The following SEMA3D variants were observed in gnomAD, a reference collection of about 807,000 sequenced individuals.
The protein encoded by SEMA3D is semaphorin-3D.
A neutral mutation model predicts 100.1 loss-of-function variants in SEMA3D; 84 were observed. That is an observed-to-expected ratio of 0.84 (90% CI 0.70 to 1.01). The LOEUF (loss-of-function observed/expected upper bound fraction) is 1.01. Among genes scored for constraint, SEMA3D ranks in the 50% least tolerant of loss-of-function variants. The pLI is 0.00. For missense variants in SEMA3D, 875 were observed against 934.1 expected, an observed-to-expected ratio of 0.94 and a Z score of 0.82; for synonymous variants, 312 against 320.7, an observed-to-expected ratio of 0.97 and a Z score of 0.29.
intron 1 of SEMA3D, among the ~76,000 whole-genome samples, chr7:85,172,397 A>G (rs1211114997): frequency 6.6e-6 from 1 of 152,000 alleles, no homozygotes; most frequent in Admixed American, 6.6e-5. Context: ...TCAGAACATT[A>G]TTCAGTTTCA....
At chr7:85,092,538 A>G (rs1327937853) in intron 4 of SEMA3D, among the ~76,000 whole-genome samples, 2 of 152,078 alleles carry the variant, frequency 1.3e-5, no homozygotes, top group Admixed American at 6.6e-5. Context: ...CAAACCAATA[A>G]AAGTGGCATT....
chr7:85,035,005 A>G (rs1319632975), intron 12 of SEMA3D, among the ~76,000 whole-genome samples: 1 of 152,076 alleles, frequency 6.6e-6, no homozygotes, highest in Non-Finnish European at 1.5e-5. Context: ...GATATCAAAG[A>G]TATATGAGAT....
rs74496367 is a variant in SEMA3D at position 85,050,554 on chromosome 7, G to A, written c.861+5163C>T. 1,012 of 361,040 alleles carry A rather than the reference G, an allele frequency of 2.8e-3. 12 individuals carry two copies. Among genetic ancestry groups the A allele is most frequent in the African/African-American group, 0.018 (874 of 47,846 alleles). The allele number at this position is 361,040 out of a possible 1,614,324, so 22.4% of individuals were successfully genotyped here. A position where few individuals can be genotyped will look rare whatever the true frequency, so the allele number is the denominator to read the frequency against. ...ATTCTGTGGATGAAGGCACTTATTC[G>A]CCTCAGGCTCTCATTGATCAATATT... On this transcript the variant is annotated intron_variant, in intron 9 of 18. Coordinates refer to ENST00000284136, the MANE Select transcript of SEMA3D (RefSeq NM_001384900.1).
At chr7:85,042,741 A>G (rs1310485813) in intron 9 of SEMA3D, among the ~76,000 whole-genome samples, 1 of 152,116 alleles carries the variant, frequency 6.6e-6, no homozygotes, top group Non-Finnish European at 1.5e-5. Context: ...AATTATTCAC[A>G]GGCAAGATCA....
chr7:85,148,573 C>T (rs187101912), intron 2 of SEMA3D, among the ~76,000 whole-genome samples: 47 of 152,104 alleles, frequency 3.1e-4, no homozygotes, highest in African/African-American at 9.2e-4. Flanking sequence ...TGAGATAAAA[C>T]GAAAAATTAG....
chr7:85,230,844 G>A, the SEMA3D span, among the ~76,000 whole-genome samples: 1 of 150,582 alleles, frequency 6.6e-6, no homozygotes, highest in Admixed American at 6.6e-5. Context: ...AGAACATAAT[G>A]GAGTAATTTC....
At chr7:85,152,964 T>C (rs756535464) in intron 2 of SEMA3D, among the ~76,000 whole-genome samples, 3 of 152,138 alleles carry the variant, frequency 2.0e-5, no homozygotes, top group Non-Finnish European at 4.4e-5. Flanking sequence ...TGCCTGCTAA[T>C]TCTGAGAGAG....
At chr7:85,000,668 A>G (rs564778330) in intron 18 of SEMA3D, among the ~76,000 whole-genome samples, 9 of 152,312 alleles carry the variant, frequency 5.9e-5, no homozygotes, top group South Asian at 4.1e-4. Flanking sequence ...AAGTGTGAGA[A>G]AGCACAATGA....
At chr7:85,014,666 ATATATATT>A (rs1584524481) in intron 16 of SEMA3D, among the ~76,000 whole-genome samples, 1 of 151,886 alleles carries the variant, frequency 6.6e-6, no homozygotes, top group East Asian at 2.0e-4. Context: ...TTGTACAATC[ATATATATT>A]TATATATTAT....
chr7:85,099,331 AG>A (rs1409234463), intron 3 of SEMA3D, among the ~76,000 whole-genome samples: 2 of 151,842 alleles, frequency 1.3e-5, no homozygotes, highest in Non-Finnish European at 2.9e-5. Context: ...TGGTTTTATA[AG>A]GGGAAACCCC....
intron 12 of SEMA3D, chr7:85,028,244 C>G (rs1326400761): frequency 1.4e-6 from 1 of 694,592 alleles, no homozygotes; most frequent in African/African-American, 1.8e-5. Context: ...AAGACTGTTA[C>G]CAATGCTGTG....
At chr7:85,083,602 T>C (rs1158402643) in intron 4 of SEMA3D, among the ~76,000 whole-genome samples, 1 of 151,816 alleles carries the variant, frequency 6.6e-6, no homozygotes, top group Admixed American at 6.6e-5. Flanking sequence ...CCCAGCATTT[T>C]GGGAGGCCGA....
intron 1 of SEMA3D, among the ~76,000 whole-genome samples, chr7:85,184,761 C>G (rs1354782998): frequency 1.3e-5 from 2 of 152,214 alleles, no homozygotes; most frequent in African/African-American, 4.8e-5. Flanking sequence ...CCTGTATTTC[C>G]TGGCCTTTCC....
intron 1 of SEMA3D, among the ~76,000 whole-genome samples, chr7:85,177,808 T>C (rs757007523): frequency 1.3e-4 from 20 of 152,136 alleles, no homozygotes; most frequent in African/African-American, 4.6e-4. Context: ...AGGTGGTAAA[T>C]GGAAGTAGAG....
chr7:85,108,931 C>A (rs1469326755), intron 3 of SEMA3D, among the ~76,000 whole-genome samples: 1 of 151,080 alleles, frequency 6.6e-6, no homozygotes, highest in Non-Finnish European at 1.5e-5. Flanking sequence ...ATTTAACATG[C>A]ATTTACTTGA....
At chr7:85,191,476 A>ATCTAAT (rs1791693353), upstream of SEMA3D, among the ~76,000 whole-genome samples, 1 of 152,174 alleles carries the variant, frequency 6.6e-6, no homozygotes, top group Admixed American at 6.5e-5. Flanking sequence ...GATACAGTGT[A>ATCTAAT]TTCTTCTAAG....
At chr7:85,222,202 G>A in the SEMA3D span, among the ~76,000 whole-genome samples, 95 of 151,876 alleles carry the variant, frequency 6.3e-4, 1 homozygote, top group African/African-American at 2.0e-3. Context: ...TTCTTTGTAC[G>A]TATGTTTTTG....
At position 85,164,368 on chromosome 7, in the gene SEMA3D, C is replaced by T. The variant is rs75281637; in HGVS notation, c.-172-10629G>A. Reference sequence around the variant, plus strand: ...TGTATCTATACATATACTTATTTATCTAAACTCCTATGAACTTGATAACAA... The same window carrying T: ...TGTATCTATACATATACTTATTTATTTAAACTCCTATGAACTTGATAACAA... On this transcript the variant is annotated intron_variant, in intron 1 of 18. Coordinates refer to ENST00000284136, the MANE Select transcript of SEMA3D (RefSeq NM_001384900.1). Among the ~76,000 whole-genome samples, 501 of 152,188 alleles carry T rather than the reference C, an allele frequency of 3.3e-3. 8 individuals carry two copies. In the East Asian group the frequency reaches 0.033, roughly 10 times the overall value.
intron 6 of SEMA3D, 111 bp from the exon 7 acceptor site, chr7:85,068,395 G>A (rs1405754887): frequency 1.5e-6 from 1 of 650,756 alleles, no homozygotes; most frequent in Non-Finnish European, 2.8e-6. Context: ...AACTAATTGA[G>A]CATATAGCAT....
Sources: gnomAD v4.1 joint callset for allele counts (sites outside exome capture counted in the v4.1 genomes callset) on GRCh38, gnomAD v4.1.1 for gene constraint, MANE v1.5 for transcripts, NCBI Gene and HGNC (gene_info 2026-07-23, HGNC 2026-07-21) for gene names.